HOXD8: variants seen among roughly 807,000 people sequenced by gnomAD.
The protein encoded by HOXD8 is homeobox D8.
A neutral mutation model predicts 25.4 loss-of-function variants in HOXD8; 17 were observed. The observed-to-expected ratio is 0.67, with a 90% CI of 0.46 to 1.00. HOXD8 has a LOEUF of 1.00. HOXD8 is among the 50% of genes least tolerant of loss of function. The probability of loss-of-function intolerance (pLI) is 0.00; values close to 1 mark genes in which losing one functional copy is unlikely to be tolerated. For missense variants in HOXD8, 511 were observed against 398.5 expected (o/e 1.28, Z -2.40); for synonymous variants, 203 against 175.3 (o/e 1.16, Z -1.25).
chr2:176,130,527 A>G lies in HOXD8; in HGVS notation c.161A>G (p.Tyr54Cys). The G allele has an allele frequency of 1.3e-6, 2 of 1,483,420 alleles. No homozygotes were observed. Among genetic ancestry groups the G allele is most frequent in the Non-Finnish European group, 1.8e-6 (2 of 1,125,264 alleles). The allele number at this position is 1,483,420 out of a possible 1,614,324, so 91.9% of individuals were successfully genotyped here. A position where few individuals can be genotyped will look rare whatever the true frequency, so the allele number is the denominator to read the frequency against. Reference protein sequence around the residue: ...HAAAAAALQLYGNSAAGFPHA... With the variant: ...HAAAAAALQLCGNSAAGFPHA... Reference sequence around the variant, plus strand: ...GCCGCCGCAGCAGCCCTGCAGCTCTATGGCAACAGCGCCGCCGGCTTCCCG... The same window carrying G: ...GCCGCCGCAGCAGCCCTGCAGCTCTGTGGCAACAGCGCCGCCGGCTTCCCG... The change falls in exon 1 of 2, where the codon TAT becomes TGT. Residue 54 changes from tyrosine to cysteine, a missense_variant. Coordinates refer to ENST00000313173, the MANE Select transcript of HOXD8 (RefSeq NM_019558.4).
chr2:176,131,597 A>T lies in HOXD8; in HGVS notation c.858A>T (p.Glu286Asp). Residue 286 changes from glutamate (E) to aspartate (D), a missense_variant, in exon 2 of 2, where the codon GAA becomes GAT. Coordinates refer to ENST00000313173, the MANE Select transcript of HOXD8 (RefSeq NM_019558.4). ...EAQELEEDRA[E>D]GLTN ...AAGAGCTGGAGGAAGACAGAGCCGA[A>T]GGCCTGACAAATTAACTTCTACCTT... The T allele has an allele frequency of 6.3e-7, 1 of 1,577,058 alleles. No homozygotes were observed. The highest frequency in any genetic ancestry group is 8.6e-7 in the Non-Finnish European group (1 of 1,159,396).
Position 176,130,639 on chromosome 2 carries a change from G to A in HOXD8, c.273G>A (p.Gln91=), listed in dbSNP as rs1384947761. The change falls in exon 1 of 2, where the codon CAG becomes CAA. Residue 91 remains glutamine (Q), a synonymous_variant. Transcript: ENST00000313173. ...GCGGCGGTAGGGAAGGCCGGGGCCA[G>A]GAGTACTTCCACCCCGGCGGGGGCA... ...TGCGGREGRG[Q]EYFHPGGGSP... 2 of 1,545,590 alleles carry A rather than the reference G, an allele frequency of 1.3e-6. No homozygotes were observed. The highest frequency in any genetic ancestry group is 1.7e-6 in the Non-Finnish European group (2 of 1,152,924).
rs897035170 is a variant in HOXD8, at chr2:176,132,683, A to G, written c.*1071A>G. The G allele has an allele frequency of 1.2e-4, 19 of 152,074 alleles. No individual in the cohort carries two copies. The highest frequency in any genetic ancestry group is 2.1e-4 in the Non-Finnish European group (14 of 68,024). The allele number at this position is 152,074 out of a possible 1,614,324, so 9.4% of individuals were successfully genotyped here. A position where few individuals can be genotyped will look rare whatever the true frequency, so the allele number is the denominator to read the frequency against. ...CGCTAGCTCCTTAGTAAATAAATGA[A>G]TCTCTTTCTGGAGCTAGTGTCTTTG... is the stretch of plus-strand genomic sequence containing the variant. On this transcript the variant is annotated 3_prime_UTR_variant, in exon 2 of 2. Transcript: ENST00000313173.
Position 176,130,672 on chromosome 2 carries a change from C to G in HOXD8, c.306C>G (p.Ala102=), listed in dbSNP as rs1178974258. 8 of 1,558,632 alleles carry G rather than the reference C, an allele frequency of 5.1e-6. No homozygotes were observed. Among genetic ancestry groups the G allele is most frequent in the Non-Finnish European group, 6.9e-6 (8 of 1,155,054 alleles). ...EYFHPGGGSP[A]AAYQAAPPPP... is the part of the protein sequence containing the mutation. ...TCCACCCCGGCGGGGGCAGCCCGGC[C>G]GCTGCCTACCAGGCCGCCCCCCCTC... is the stretch of plus-strand genomic sequence containing the variant. Residue 102 remains alanine, a synonymous_variant, in exon 1 of 2, where the codon GCC becomes GCG. Transcript: ENST00000313173.
At position 176,131,352 on chromosome 2, in the gene HOXD8, A is replaced by C. The variant is rs1346128660; in HGVS notation, c.613A>C (p.Ser205Arg). Residue 205 changes from serine (S) to arginine (R), a missense_variant, in exon 2 of 2, where the codon AGT becomes CGT. Coordinates refer to ENST00000313173, the MANE Select transcript of HOXD8 (RefSeq NM_019558.4). ...PGRRRGRQTYSRFQTLELEKE... is the reference protein window; with the variant it reads ...PGRRRGRQTYRRFQTLELEKE... ...TAGACGAAGAGGAAGACAAACCTAC[A>C]GTCGCTTCCAAACTCTAGAGTTGGA... is the stretch of plus-strand genomic sequence containing the variant. 1 of 1,608,580 alleles carries C rather than the reference A, an allele frequency of 6.2e-7. No homozygotes were observed. Among genetic ancestry groups the C allele is most frequent in the East Asian group, 2.2e-5 (1 of 44,766 alleles).
In HOXD8 at chr2:176,132,021, TA is replaced by T. The variant is rs201637028; in HGVS notation, c.*417del. On this transcript the variant is annotated 3_prime_UTR_variant, in exon 2 of 2. Coordinates refer to ENST00000313173, the MANE Select transcript of HOXD8 (RefSeq NM_019558.4). ...AGTAAATTAAAAGGAGTTTATTAAT[TA>T]AAAAAAATTATGTCTGCAGAATACT... 7.4e-3 allele frequency: 1,149 copies of T among 155,700 alleles called. 7 individuals carry two copies. Among genetic ancestry groups the T allele is most frequent in the Middle Eastern group, 0.02 (6 of 302 alleles). 9.6% of individuals were successfully genotyped at this position (155,700 alleles called of 1,614,324 possible).
At position 176,130,865 on chromosome 2, in the gene HOXD8, G is replaced by T. The variant is rs1690089413; in HGVS notation, c.499G>T (p.Gly167Cys). The change falls in exon 1 of 2, where the codon GGT becomes TGT. Residue 167 changes from glycine (G) to cysteine (C), a missense_variant. Gly to Cys is a radical substitution (Grantham distance 159). Coordinates refer to ENST00000313173, the MANE Select transcript of HOXD8 (RefSeq NM_019558.4). ...VQYPDCKSSSGNIGEDPDHLN... is the reference protein window; with the variant it reads ...VQYPDCKSSSCNIGEDPDHLN... ...ATATCCTGACTGTAAATCGTCCAGT[G>T]GTAATATTGGCGAGGACCCAGACCA... 6.2e-7 allele frequency: 1 copy of T among 1,612,426 alleles called. No individual in the cohort carries two copies. The highest frequency in any genetic ancestry group is 8.5e-7 in the Non-Finnish European group (1 of 1,179,292).
chr2:176,131,366 T>C lies in HOXD8; in HGVS notation c.627T>C (p.Thr209=), dbSNP rs1690109644. 1 of 1,510,870 alleles carries C rather than the reference T, an allele frequency of 6.6e-7. No individual in the cohort carries two copies. The highest frequency in any genetic ancestry group is 1.5e-5 in the African/African-American group (1 of 67,678). The allele number at this position is 1,510,870 out of a possible 1,614,324, so 93.6% of individuals were successfully genotyped here. The change falls in exon 2 of 2, where the codon ACT becomes ACC. Residue 209 remains threonine (T), a synonymous_variant. Transcript: ENST00000313173. ...GACAAACCTACAGTCGCTTCCAAAC[T>C]CTAGAGTTGGAAAAGGAATTTCTTT... ...RGRQTYSRFQ[T]LELEKEFLFN... is the part of the protein sequence containing the mutation.
Position 176,130,271 on chromosome 2 carries a change from C to T in HOXD8, c.-96C>T, listed in dbSNP as rs1385040522. ...CGGTCCCGGCGGCGAGAGCAGCCGC[C>T]CCACAGGCCCCCGCGGCAGTGCGGC... On this transcript the variant is annotated 5_prime_UTR_variant, in exon 1 of 2. Coordinates refer to ENST00000313173, the MANE Select transcript of HOXD8 (RefSeq NM_019558.4). The T allele has an allele frequency of 9.9e-6, 7 of 705,442 alleles. No individual in the cohort carries two copies. The highest frequency in any genetic ancestry group is 4.5e-5 in the Admixed American group (1 of 22,014). The allele number at this position is 705,442 out of a possible 1,614,324, so 43.7% of individuals were successfully genotyped here. A position where few individuals can be genotyped will look rare whatever the true frequency, so the allele number is the denominator to read the frequency against.
chr2:176,132,180 A>C lies in HOXD8; in HGVS notation c.*568A>C, dbSNP rs1690129808. The C allele has an allele frequency of 6.6e-6, 1 of 152,212 alleles. No individual in the cohort carries two copies. The highest frequency in any genetic ancestry group is 2.4e-5 in the African/African-American group (1 of 41,412). 9.4% of individuals were successfully genotyped at this position (152,212 alleles called of 1,614,324 possible). The stretch of plus-strand genomic sequence containing the variant: ...TTCTAAATGTAATATCTCGGGGAAA[A>C]TATTAGAAAAGCACGTATTAGCTGA... On this transcript the variant is annotated 3_prime_UTR_variant, in exon 2 of 2. Transcript: ENST00000313173.
In HOXD8 at chr2:176,130,689, C is replaced by A; in HGVS notation, c.323C>A (p.Ala108Asp). Residue 108 changes from alanine to aspartate, a missense_variant, in exon 1 of 2, where the codon GCC becomes GAC. Transcript: ENST00000313173. ...AGCCCGGCCGCTGCCTACCAGGCCG[C>A]CCCCCCTCCTCCTCCGCATCCTCCG... ...GGSPAAAYQA[A>D]PPPPPHPPPP... The A allele has an allele frequency of 6.3e-7, 1 of 1,580,120 alleles. No individual in the cohort carries two copies. Among genetic ancestry groups the A allele is most frequent in the Non-Finnish European group, 8.6e-7 (1 of 1,163,266 alleles).
In HOXD8 at chr2:176,130,099, C is replaced by G. The variant is rs1457831394; in HGVS notation, c.-268C>G. 6.6e-6 allele frequency: 1 copy of G among 151,794 alleles called. No individual in the cohort carries two copies. The highest frequency in any genetic ancestry group is 1.5e-5 in the Non-Finnish European group (1 of 68,768). The allele number at this position is 151,794 out of a possible 1,614,324, so 9.4% of individuals were successfully genotyped here. A position where few individuals can be genotyped will look rare whatever the true frequency, so the allele number is the denominator to read the frequency against. ...GGCGGCGCGCGGGGGCTGGGCGAGG[C>G]CCCGCGACCCGCGAGGGAGGCGGCG... On this transcript the variant is annotated 5_prime_UTR_variant, in exon 1 of 2. Coordinates refer to ENST00000313173, the MANE Select transcript of HOXD8 (RefSeq NM_019558.4).
Position 176,130,439 on chromosome 2 carries a change from G to A in HOXD8, c.73G>A (p.Glu25Lys), listed in dbSNP as rs1400240845. 14 of 1,491,294 alleles carry A rather than the reference G, an allele frequency of 9.4e-6. No individual in the cohort carries two copies. In the East Asian group the frequency reaches 3.7e-4, roughly 39 times the overall value. 92.4% of individuals were successfully genotyped at this position (1,491,294 alleles called of 1,614,324 possible). Residue 25 changes from glutamate to lysine, a missense_variant, in exon 1 of 2, where the codon GAG (glutamate) becomes AAG (lysine). Coordinates refer to ENST00000313173, the MANE Select transcript of HOXD8 (RefSeq NM_019558.4). Reference protein sequence around the residue: ...AAAAAAAAAGEAINPTYYDCH... With the variant: ...AAAAAAAAAGKAINPTYYDCH... ...GGCTGCGGCGGCGGCGGCGGCGGGC[G>A]AGGCCATCAATCCCACTTACTACGA...
rs1169373771 is a variant in HOXD8 at position 176,130,548 on chromosome 2, TCCCGCACGCGCC to T, written c.189_200del (p.His63_Pro66del). On this transcript the variant is annotated inframe_deletion, in exon 1 of 2. Transcript: ENST00000313173. ...CTCTATGGCAACAGCGCCGCCGGCTTCCCGCACGCGCCCCCGCAGGCGCACGCGCACCCGCAC... is the reference window on the plus strand; with the variant it reads ...CTCTATGGCAACAGCGCCGCCGGCTTCCCGCAGGCGCACGCGCACCCGCAC... 21 of 1,470,714 alleles carry T rather than the reference TCCCGCACGCGCC, an allele frequency of 1.4e-5. No individual in the cohort carries two copies. The highest frequency in any genetic ancestry group is 2.6e-5 in the Admixed American group (1 of 38,872). The allele number at this position is 1,470,714 out of a possible 1,614,324, so 91.1% of individuals were successfully genotyped here.
rs771820744 is a variant in HOXD8, at chr2:176,130,698, C to CTCCTCCGCA, written c.341_349dup (p.His114_Pro116dup). The CTCCTCCGCA allele has an allele frequency of 2.4e-5, 38 of 1,594,460 alleles. No individual in the cohort carries two copies. The highest frequency in any genetic ancestry group is 1.2e-4 in the Admixed American group (7 of 58,892). On this transcript the variant is annotated inframe_insertion, in exon 1 of 2. Coordinates refer to ENST00000313173, the MANE Select transcript of HOXD8 (RefSeq NM_019558.4). ...GCTGCCTACCAGGCCGCCCCCCCTC[C>CTCCTCCGCA]TCCTCCGCATCCTCCGCCTCCGCCG...
chr2:176,129,731 C>T lies in HOXD8; in HGVS notation c.-636C>T. The T allele has an allele frequency of 2.7e-6, 1 of 367,254 alleles. No individual in the cohort carries two copies. Among genetic ancestry groups the T allele is most frequent in the South Asian group, 2.1e-5 (1 of 48,310 alleles). 22.7% of individuals were successfully genotyped at this position (367,254 alleles called of 1,614,324 possible). On this transcript the variant is annotated 5_prime_UTR_variant, in exon 1 of 2. It adds an upstream start codon to the 5' untranslated region. Transcript: ENST00000313173. ...TCCGCGGGGCTCCTCGTCCCCGTCA[C>T]GCTGACTTTCCGTGCAGTGCTGTGG...
In HOXD8 at chr2:176,130,398, C is replaced by G. The variant is rs1690060288; in HGVS notation, c.32C>G (p.Ser11Cys). MSSYFVNPLYSKYKAAAAAAA... is the reference protein window; with the variant it reads MSSYFVNPLYCKYKAAAAAAA... The stretch of plus-strand genomic sequence containing the variant: ...TCGTACTTCGTGAACCCGCTGTACT[C>G]CAAGTACAAGGCGGCGGCTGCGGCG... Residue 11 changes from serine to cysteine, a missense_variant, in exon 1 of 2, where the codon TCC (serine) becomes TGC (cysteine). By Grantham distance (112) the Ser-to-Cys change is moderately radical. Transcript: ENST00000313173. The G allele has an allele frequency of 1.3e-6, 2 of 1,485,148 alleles. No individual in the cohort carries two copies. Among genetic ancestry groups the G allele is most frequent in the African/African-American group, 1.5e-5 (1 of 67,642 alleles). The allele number at this position is 1,485,148 out of a possible 1,614,324, so 92.0% of individuals were successfully genotyped here.
In HOXD8 at chr2:176,132,179, A is replaced by G. The variant is rs1690129758; in HGVS notation, c.*567A>G. On this transcript the variant is annotated 3_prime_UTR_variant, in exon 2 of 2. Transcript: ENST00000313173. Reference sequence around the variant, plus strand: ...TTTCTAAATGTAATATCTCGGGGAAAATATTAGAAAAGCACGTATTAGCTG... The same window carrying G: ...TTTCTAAATGTAATATCTCGGGGAAGATATTAGAAAAGCACGTATTAGCTG... The G allele has an allele frequency of 1.3e-5, 2 of 152,232 alleles. No homozygotes were observed. The allele number at this position is 152,232 out of a possible 1,614,324, so 9.4% of individuals were successfully genotyped here. A position where few individuals can be genotyped will look rare whatever the true frequency, so the allele number is the denominator to read the frequency against.
Position 176,130,472 on chromosome 2 carries a change from T to G in HOXD8, c.106T>G (p.Phe36Val). ...CAATCCCACTTACTACGACTGTCAC[T>G]TCGCGCCCGAGGTCGGCGGCCGTCA... ...AINPTYYDCH[F>V]APEVGGRHAA... The change falls in exon 1 of 2, where the codon TTC becomes GTC. Residue 36 changes from phenylalanine to valine, a missense_variant. Phe to Val is a conservative substitution (Grantham distance 50). Coordinates refer to ENST00000313173, the MANE Select transcript of HOXD8 (RefSeq NM_019558.4). The G allele has an allele frequency of 5.4e-6, 8 of 1,492,020 alleles. No individual in the cohort carries two copies. Among genetic ancestry groups the G allele is most frequent in the Non-Finnish European group, 7.1e-6 (8 of 1,127,346 alleles). 92.4% of individuals were successfully genotyped at this position (1,492,020 alleles called of 1,614,324 possible).
Sources: gnomAD v4.1 joint callset for allele counts on GRCh38, gnomAD v4.1.1 for gene constraint, MANE v1.5 for transcripts, NCBI Gene and HGNC (gene_info 2026-07-23, HGNC 2026-07-21) for gene names.